The following MAML3 variants were observed in gnomAD, a reference collection of about 807,000 sequenced individuals.
MAML3 encodes mastermind like transcriptional coactivator 3.
A neutral mutation model predicts 101.9 loss-of-function variants in MAML3; 27 were observed. That is an observed-to-expected ratio of 0.27 (90% CI 0.20 to 0.37). MAML3 has a LOEUF of 0.37. Ranked by LOEUF, MAML3 falls within the 10% of genes least tolerant of loss-of-function variation. The pLI is 1.00. For missense variants in MAML3, 1,316 were observed against 1,444.9 expected (o/e 0.91, Z 1.45); for synonymous variants, 501 against 555.9 (o/e 0.90, Z 1.39).
chr4:139,844,072 TC>T (rs1322440341), intron 2 of MAML3, among the ~76,000 whole-genome samples: 1 of 152,238 alleles, frequency 6.6e-6, no homozygotes, highest in Non-Finnish European at 1.5e-5. Flanking sequence ...TTTATCAAAT[TC>T]ACAACTAATA....
intron 1 of MAML3, among the ~76,000 whole-genome samples, chr4:140,090,599 G>C (rs1438455544): frequency 6.6e-6 from 1 of 152,198 alleles, no homozygotes; most frequent in Non-Finnish European, 1.5e-5. Context: ...ACTGGCCCGT[G>C]GGTGGCGGAG....
In MAML3 at chr4:140,129,282, G is replaced by C. The variant is rs59394401; in HGVS notation, c.468+23578C>G. 5.9e-3 allele frequency among the ~76,000 whole-genome samples: 893 copies of C among 152,218 alleles called. 9 individuals carry two copies. Among genetic ancestry groups the C allele is most frequent in the African/African-American group, 0.02 (832 of 41,528 alleles). On this transcript the variant is annotated intron_variant, in intron 1 of 4. Coordinates refer to ENST00000509479, the MANE Select transcript of MAML3 (RefSeq NM_018717.5). ...GCCCCCTTCTAGGCCATGACAAATTGTGGACCCCACGTAGATGCTATATGC... is the reference window on the plus strand; with the variant it reads ...GCCCCCTTCTAGGCCATGACAAATTCTGGACCCCACGTAGATGCTATATGC...
chr4:140,032,116 C>T (rs1391037908), intron 1 of MAML3, among the ~76,000 whole-genome samples: 1 of 152,190 alleles, frequency 6.6e-6, no homozygotes, highest in African/African-American at 2.4e-5. Context: ...TTCATTTTCC[C>T]ACCCACTAAA....
At chr4:139,920,563 T>C (rs1344782539) in intron 1 of MAML3, among the ~76,000 whole-genome samples, 3 of 152,258 alleles carry the variant, frequency 2.0e-5, no homozygotes, top group African/African-American at 4.8e-5. Context: ...GGGGCCTTTA[T>C]AATACAACAT....
chr4:139,887,762 A>G (rs943883004), intron 2 of MAML3, among the ~76,000 whole-genome samples: 1 of 152,226 alleles, frequency 6.6e-6, no homozygotes, highest in Non-Finnish European at 1.5e-5. Context: ...ATTTGTATTA[A>G]CAACAGACCA....
At position 139,753,341 on chromosome 4, in the gene MAML3, AATCTATCTATCTATCT is replaced by A. The variant is rs35975255; in HGVS notation, c.2080-22690_2080-22675del. Among the ~76,000 whole-genome samples the A allele has an allele frequency of 1.8e-3, 261 of 146,688 alleles. 1 individual carries two copies. The highest frequency in any genetic ancestry group is 6.1e-3 in the African/African-American group (241 of 39,520). ...TTCTTTGCTTTTTTCTTTTCTTTTT[AATCTATCTATCTATCT>A]ATCTATCTATCTATCTATCTATCTA... On this transcript the variant is annotated intron_variant, in intron 2 of 4. Transcript: ENST00000509479.
At position 140,039,610 on chromosome 4, in the gene MAML3, A is replaced by T. The variant is rs373066372; in HGVS notation, c.468+113250T>A. 6.4e-4 allele frequency among the ~76,000 whole-genome samples: 97 copies of T among 152,288 alleles called. No individual in the cohort carries two copies. In the Middle Eastern group the frequency reaches 0.017, roughly 27 times the overall value. On this transcript the variant is annotated intron_variant, in intron 1 of 4. Transcript: ENST00000509479. ...CACAGCCCACCCACCCCGACTGTGC[A>T]GGTGACATGGCATTGCCACTGCTTG... is the stretch of plus-strand genomic sequence containing the variant.
chr4:139,888,912 C>T (rs1353393554), intron 2 of MAML3, among the ~76,000 whole-genome samples: 1 of 152,166 alleles, frequency 6.6e-6, no homozygotes, highest in East Asian at 1.9e-4. Flanking sequence ...ATTCATAATT[C>T]AGTAGGACAG....
At chr4:140,007,752 G>C (rs2110854154) in intron 1 of MAML3, among the ~76,000 whole-genome samples, 1 of 152,258 alleles carries the variant, frequency 6.6e-6, no homozygotes, top group Non-Finnish European at 1.5e-5. Flanking sequence ...GCCTTACCAG[G>C]CTGCAATTCT....
chr4:139,937,533 T>A (rs1733530307), intron 1 of MAML3, among the ~76,000 whole-genome samples: 2 of 151,956 alleles, frequency 1.3e-5, no homozygotes, highest in South Asian at 4.2e-4. Flanking sequence ...ATTACAGGCA[T>A]CTACCACCAC....
intron 2 of MAML3, among the ~76,000 whole-genome samples, chr4:139,739,503 T>C (rs537879397): frequency 1.3e-5 from 2 of 152,310 alleles, no homozygotes; most frequent in Admixed American, 1.3e-4. Flanking sequence ...ACCAAAGCAA[T>C]TCTACATTGG....
chr4:139,758,180 C>A (rs769382563), intron 2 of MAML3, among the ~76,000 whole-genome samples: 1 of 152,140 alleles, frequency 6.6e-6, no homozygotes. Context: ...TCCTACCTGA[C>A]CCTCCACAGG....
intron 1 of MAML3, among the ~76,000 whole-genome samples, chr4:139,900,605 A>C (rs555032987): frequency 1.3e-5 from 2 of 152,166 alleles, no homozygotes; most frequent in South Asian, 2.1e-4. Flanking sequence ...CTGTATCCGA[A>C]GTTATAAAGT....
chr4:139,780,999 TC>T (rs749180190), intron 2 of MAML3, among the ~76,000 whole-genome samples: 1 of 152,130 alleles, frequency 6.6e-6, no homozygotes, highest in Non-Finnish European at 1.5e-5. Flanking sequence ...TAGGAAACCA[TC>T]AAAATCATCA....
intron 2 of MAML3, among the ~76,000 whole-genome samples, chr4:139,839,900 G>A (rs1189732183): frequency 1.3e-5 from 2 of 152,154 alleles, no homozygotes; most frequent in Non-Finnish European, 2.9e-5. Context: ...GTGGCCAGCA[G>A]TGGGGATTAC....
intron 1 of MAML3, among the ~76,000 whole-genome samples, chr4:140,131,692 C>T (rs1011951221): frequency 1.3e-5 from 2 of 152,196 alleles, no homozygotes; most frequent in Non-Finnish European, 2.9e-5. Flanking sequence ...CCTCCATGGC[C>T]CATCTCATCC....
At chr4:139,893,231 C>T (rs1325610683) in intron 1 of MAML3, among the ~76,000 whole-genome samples, 1 of 152,154 alleles carries the variant, frequency 6.6e-6, no homozygotes, top group East Asian at 1.9e-4. Flanking sequence ...TCTCCTCTTC[C>T]CCTGGGTAAT....
At chr4:139,749,886 CCCCCCCCCACCCT>C in intron 2 of MAML3, among the ~76,000 whole-genome samples, 1 of 63,056 alleles carries the variant, frequency 1.6e-5, no homozygotes, top group East Asian at 3.8e-4. Context: ...TGAATAAGAA[CCCCCCCCCACCCT>C]ATTCTGCCAA....
chr4:140,024,435 C>T (rs1201811574), intron 1 of MAML3, among the ~76,000 whole-genome samples: 1 of 152,030 alleles, frequency 6.6e-6, no homozygotes, highest in Non-Finnish European at 1.5e-5. Context: ...CACTTTGTTG[C>T]CCAGACTGGT....
Sources: gnomAD v4.1 joint callset for allele counts (sites outside exome capture counted in the v4.1 genomes callset) on GRCh38, gnomAD v4.1.1 for gene constraint, MANE v1.5 for transcripts, NCBI Gene and HGNC (gene_info 2026-07-23, HGNC 2026-07-21) for gene names.